CTNNBL1: variants seen among roughly 807,000 people sequenced by gnomAD.
CTNNBL1 encodes beta-catenin-like protein 1.
In CTNNBL1, 31 loss-of-function variants were observed where a neutral mutation model predicts 72.7. That is an observed-to-expected ratio of 0.43 (90% CI 0.32 to 0.58). CTNNBL1 has a LOEUF of 0.58. CTNNBL1 is among the 20% of genes least tolerant of loss of function. The probability of loss-of-function intolerance (pLI) is 0.08; values close to 1 mark genes in which losing one functional copy is unlikely to be tolerated. For synonymous variants in CTNNBL1, 240 were observed against 267.3 expected (o/e 0.90, Z 1.00); for missense variants, 534 against 725.1 (o/e 0.74, Z 3.03).
At chr20:37,806,054 A>C (rs1024916740) in intron 11 of CTNNBL1, among the ~76,000 whole-genome samples, 2 of 152,204 alleles carry the variant, frequency 1.3e-5, no homozygotes, top group African/African-American at 4.8e-5. Context: ...ACCTAGAGTG[A>C]AGGGTCTTTC....
intron 2 of CTNNBL1, among the ~76,000 whole-genome samples, chr20:37,734,402 CCCT>C (rs907444177): frequency 2.6e-5 from 4 of 152,198 alleles, no homozygotes; most frequent in Non-Finnish European, 5.9e-5. Context: ...TCCCTCCCTT[CCCT>C]CCTCACCAGC....
intron 10 of CTNNBL1, among the ~76,000 whole-genome samples, chr20:37,794,665 T>C (rs966303832): frequency 1.3e-5 from 2 of 151,900 alleles, no homozygotes; most frequent in African/African-American, 2.4e-5. Flanking sequence ...GCTAATTTTT[T>C]TTTTTTTTCT....
intron 2 of CTNNBL1, among the ~76,000 whole-genome samples, chr20:37,735,103 A>G (rs1453512992): frequency 6.6e-6 from 1 of 152,210 alleles, no homozygotes; most frequent in African/African-American, 2.4e-5. Flanking sequence ...AATAACCATA[A>G]CAGCTTGCAT....
chr20:37,859,604 T>G, intron 13 of CTNNBL1, among the ~76,000 whole-genome samples: 1 of 59,502 alleles, frequency 1.7e-5, no homozygotes, highest in East Asian at 6.8e-4. Context: ...CCCGTCAGCT[T>G]GTTTTTTTTT....
At chr20:37,745,979 T>A (rs2073258346) in intron 3 of CTNNBL1, among the ~76,000 whole-genome samples, 1 of 152,156 alleles carries the variant, frequency 6.6e-6, no homozygotes, top group Admixed American at 6.5e-5. Flanking sequence ...CTGAATCAGC[T>A]CCAAAGAGGA....
At chr20:37,856,212 AAAG>A (rs2072439454) in intron 13 of CTNNBL1, among the ~76,000 whole-genome samples, 1 of 151,578 alleles carries the variant, frequency 6.6e-6, no homozygotes, top group Admixed American at 6.6e-5. Context: ...AAAAAAAAAA[AAAG>A]AGCCTACTAA....
intron 4 of CTNNBL1, chr20:37,751,682 A>G (rs957244409): frequency 1.3e-5 from 2 of 152,222 alleles, no homozygotes; most frequent in Non-Finnish European, 2.9e-5. Flanking sequence ...TACAGTAGTC[A>G]AGGGTGCCTT....
chr20:37,712,355 C>A (rs1226189598), intron 1 of CTNNBL1, among the ~76,000 whole-genome samples: 1 of 152,162 alleles, frequency 6.6e-6, no homozygotes, highest in Non-Finnish European at 1.5e-5. Context: ...GCTTTAGAAT[C>A]TATAAACTTG....
intron 10 of CTNNBL1, among the ~76,000 whole-genome samples, chr20:37,787,229 G>T: frequency 6.6e-6 from 1 of 151,476 alleles, no homozygotes; most frequent in Non-Finnish European, 1.5e-5. Flanking sequence ...TGAAGTCTTG[G>T]GATATGATGA....
intron 1 of CTNNBL1, among the ~76,000 whole-genome samples, chr20:37,700,917 G>A (rs1433296474): frequency 6.6e-6 from 1 of 152,130 alleles, no homozygotes; most frequent in Non-Finnish European, 1.5e-5. Context: ...ATATCTCTTG[G>A]ATTGCAGGAG....
chr20:37,787,493 C>T (rs1257001252), intron 10 of CTNNBL1, among the ~76,000 whole-genome samples: 15 of 151,808 alleles, frequency 9.9e-5, no homozygotes, highest in Admixed American at 7.9e-4. Context: ...TACAGGCGCC[C>T]GCCACTACGC....
chr20:37,858,489 A>G (rs1015449746), intron 13 of CTNNBL1, among the ~76,000 whole-genome samples: 1 of 152,200 alleles, frequency 6.6e-6, no homozygotes, highest in African/African-American at 2.4e-5. Flanking sequence ...CTGAAAAATG[A>G]TGTGAACTTG....
At chr20:37,763,860 A>G (rs1181455844) in intron 5 of CTNNBL1, among the ~76,000 whole-genome samples, 1 of 152,236 alleles carries the variant, frequency 6.6e-6, no homozygotes, top group Non-Finnish European at 1.5e-5. Flanking sequence ...ACATGAGGAT[A>G]AATGGAGCAA....
rs1262558596 is a variant in CTNNBL1, at chr20:37,757,503, T to G, written c.467-56T>G. The G allele has an allele frequency of 5.5e-6, 7 of 1,262,210 alleles. No homozygotes were observed. The Admixed American group carries it at 1.3e-4, about 23-fold the overall frequency. The allele number at this position is 1,262,210 out of a possible 1,614,324, so 78.2% of individuals were successfully genotyped here. ...GAGGAAACGGAAGGGAATCAAGGATTAAGAAAAATACTGGTACCGTTTCAG... is the reference window on the plus strand; with the variant it reads ...GAGGAAACGGAAGGGAATCAAGGATGAAGAAAAATACTGGTACCGTTTCAG... On this transcript the variant is annotated intron_variant, in intron 4 of 15. Coordinates refer to ENST00000361383, the MANE Select transcript of CTNNBL1 (RefSeq NM_030877.5).
rs182826398 is a variant in CTNNBL1 at position 37,761,091 on chromosome 20, C to T, written c.564+3435C>T. ...TCTGTGGACATGAAGAGAGAGTGCT[C>T]GCTTCTGATGGAATAATCAGGAAGG... On this transcript the variant is annotated intron_variant, in intron 5 of 15. Coordinates refer to ENST00000361383, the MANE Select transcript of CTNNBL1 (RefSeq NM_030877.5). 5.9e-4 allele frequency among the ~76,000 whole-genome samples: 90 copies of T among 152,014 alleles called. 1 individual carries two copies. The highest frequency in any genetic ancestry group is 2.4e-3 in the Admixed American group (36 of 15,272).
chr20:37,733,153 C>T, intron 2 of CTNNBL1, 86 bp downstream of exon 2: 1 of 1,162,606 alleles, frequency 8.6e-7, no homozygotes, highest in Non-Finnish European at 1.2e-6. Flanking sequence ...GTCTGAGCTT[C>T]CCATCTTCAT....
intron 13 of CTNNBL1, among the ~76,000 whole-genome samples, chr20:37,848,240 A>G (rs2072363977): frequency 6.7e-6 from 1 of 150,286 alleles, no homozygotes; most frequent in Admixed American, 6.7e-5. Context: ...CTGCAGCCTC[A>G]AACTCCTGGG....
chr20:37,788,652 A>G (rs972106250), intron 10 of CTNNBL1, among the ~76,000 whole-genome samples: 4 of 152,256 alleles, frequency 2.6e-5, no homozygotes, highest in Admixed American at 6.5e-5. Flanking sequence ...CAGAAGCTGC[A>G]TAAGCTCCCC....
intron 11 of CTNNBL1, among the ~76,000 whole-genome samples, chr20:37,807,248 T>C (rs1279604581): frequency 1.3e-5 from 2 of 152,148 alleles, no homozygotes; most frequent in East Asian, 3.8e-4. Context: ...AAGAGTCAGA[T>C]GAGATGACAT....
Sources: allele counts gnomAD v4.1 joint callset (sites outside exome capture counted in the v4.1 genomes callset), GRCh38; gene constraint gnomAD v4.1.1; transcripts MANE v1.5; gene names NCBI Gene and HGNC (gene_info 2026-07-23, HGNC 2026-07-21).